Variants in HSDL2 observed in about 807,000 individuals in gnomAD.
HSDL2 encodes the protein hydroxysteroid dehydrogenase like 2.
HSDL2 carries 27 observed loss-of-function variants against 46.3 expected under a neutral mutation model. The ratio of observed to expected loss-of-function variants is 0.58; its 90% CI spans 0.43 to 0.80. HSDL2 has a LOEUF of 0.80. Ranked by LOEUF, HSDL2 falls within the 30% of genes least tolerant of loss-of-function variation. The pLI is 0.00. For missense variants in HSDL2, 451 were observed against 502.7 expected (o/e 0.90, Z 0.98); for synonymous variants, 153 against 163.6 (o/e 0.94, Z 0.50).
At chr9:112,435,928 C>T (rs1410794458) in intron 6 of HSDL2, among the ~76,000 whole-genome samples, 1 of 151,574 alleles carries the variant, frequency 6.6e-6, no homozygotes, top group Non-Finnish European at 1.5e-5. Flanking sequence ...AATAAAGGAT[C>T]AGTTCAAGAG....
intron 1 of HSDL2, among the ~76,000 whole-genome samples, chr9:112,385,226 T>C (rs941832946): frequency 2.6e-5 from 4 of 152,228 alleles, no homozygotes; most frequent in Admixed American, 2.6e-4. Context: ...ATATGTTTGC[T>C]TATGTTTGAA....
chr9:112,390,885 A>G (rs542359819), intron 1 of HSDL2, among the ~76,000 whole-genome samples: 5 of 152,166 alleles, frequency 3.3e-5, no homozygotes, highest in Admixed American at 1.3e-4. Context: ...TTCTTTAACA[A>G]ATTTTCTAGG....
intron 1 of HSDL2, among the ~76,000 whole-genome samples, chr9:112,393,141 C>G (rs1459360031): frequency 6.6e-6 from 1 of 152,182 alleles, no homozygotes; most frequent in East Asian, 1.9e-4. Flanking sequence ...AGTGGAGCCC[C>G]CAATAGACTT....
chr9:112,458,389 G>A (rs143917010), intron 9 of HSDL2, among the ~76,000 whole-genome samples: 2,875 of 149,214 alleles, frequency 0.019, 78 homozygotes, highest in East Asian at 0.087. Context: ...GCAATGGCGC[G>A]ATCTTGGCTC....
rs147333595 is a variant in HSDL2 at position 112,401,317 on chromosome 9, G to T, written c.18-2678G>T. ...CTACAAAAAATTAAAACTTTTTCAG[G>T]TGTGGTAGTGCACGCCTGTAGTCCT... On this transcript the variant is annotated intron_variant, in intron 1 of 10. Transcript: ENST00000398805. Among the ~76,000 whole-genome samples the T allele has an allele frequency of 1.9e-4, 29 of 151,932 alleles. No individual in the cohort carries two copies. In the East Asian group the frequency reaches 5.4e-3, roughly 28 times the overall value.
chr9:112,413,457 C>T (rs772540639), intron 4 of HSDL2, among the ~76,000 whole-genome samples: 9 of 149,626 alleles, frequency 6.0e-5, no homozygotes, highest in South Asian at 2.1e-4. Context: ...AAGAGTGCAA[C>T]GAGAGCAACA....
chr9:112,457,309 C>G (rs989436145), intron 9 of HSDL2, among the ~76,000 whole-genome samples: 3 of 152,202 alleles, frequency 2.0e-5, no homozygotes, highest in Non-Finnish European at 2.9e-5. Flanking sequence ...CTGAAGCAGT[C>G]TCTGCCCCTT....
chr9:112,447,405 A>G (rs1394784878), intron 8 of HSDL2, among the ~76,000 whole-genome samples: 1 of 152,186 alleles, frequency 6.6e-6, no homozygotes, highest in Non-Finnish European at 1.5e-5. Context: ...GGGATAAACT[A>G]AAGTTTTTGC....
chr9:112,405,632 G>T lies in HSDL2; in HGVS notation c.190G>T (p.Val64Phe), dbSNP rs1345115838. 3 of 1,608,456 alleles carry T rather than the reference G, an allele frequency of 1.9e-6. No homozygotes were observed. The South Asian group carries it at 3.3e-5, about 18-fold the overall frequency. ...TGTATCCTTTATATAAGTTGAAGCA[G>T]TTGGAGGAAAGGCCTTGCCATGTAT... ...IYTAAEEIEA[V>F]GGKALPCIVD... Residue 64 changes from valine (V) to phenylalanine (F), a missense_variant, in exon 3 of 11, where the codon GTT becomes TTT. Val to Phe is a conservative substitution (Grantham distance 50, BLOSUM62 -1). Transcript: ENST00000398805.
chr9:112,429,868 G>A (rs953144476), intron 6 of HSDL2, among the ~76,000 whole-genome samples: 2 of 152,082 alleles, frequency 1.3e-5, no homozygotes, highest in East Asian at 1.9e-4. Context: ...AAAGCAGGCC[G>A]ATCGCTGGAG....
chr9:112,441,976 A>G (rs950995925), intron 8 of HSDL2, among the ~76,000 whole-genome samples: 2 of 152,036 alleles, frequency 1.3e-5, no homozygotes, highest in East Asian at 3.9e-4. Flanking sequence ...AGAAGTTTTA[A>G]TAAGGCTGGG....
intron 1 of HSDL2, among the ~76,000 whole-genome samples, chr9:112,383,538 G>C (rs1564098922): frequency 6.6e-6 from 1 of 151,940 alleles, no homozygotes; most frequent in Non-Finnish European, 1.5e-5. Flanking sequence ...TTCTTCAGAT[G>C]GCTGCTCATT....
chr9:112,447,661 T>A (rs1266851678), intron 8 of HSDL2, among the ~76,000 whole-genome samples: 1 of 152,156 alleles, frequency 6.6e-6, no homozygotes, highest in African/African-American at 2.4e-5. Flanking sequence ...GTTTCACATC[T>A]CAGCACTGTG....
chr9:112,387,062 G>A (rs1034809096), intron 1 of HSDL2, among the ~76,000 whole-genome samples: 4 of 152,124 alleles, frequency 2.6e-5, no homozygotes, highest in Non-Finnish European at 4.4e-5. Context: ...AGTTATAAAA[G>A]TTTGAACATA....
intron 6 of HSDL2, among the ~76,000 whole-genome samples, chr9:112,434,991 C>A (rs1832491337): frequency 6.6e-6 from 1 of 152,108 alleles, no homozygotes; most frequent in Non-Finnish European, 1.5e-5. Context: ...TATTTTCTTT[C>A]CCAGAAATCA....
intron 4 of HSDL2, among the ~76,000 whole-genome samples, chr9:112,411,650 G>C (rs555421452): frequency 6.6e-6 from 1 of 152,276 alleles, no homozygotes; most frequent in Non-Finnish European, 1.5e-5. Context: ...ACTCCAGCTT[G>C]GGCAGCAGAG....
In HSDL2 at chr9:112,459,542, G is replaced by A; in HGVS notation, c.1109G>A (p.Ser370Asn). ...EPSDQADVVMSMTTDDFVKMF... is the reference protein window; with the variant it reads ...EPSDQADVVMNMTTDDFVKMF... Reference sequence around the variant, plus strand: ...TCTGATCAGGCAGATGTGGTGATGAGTATGACTACTGATGACTTTGTAAAA... The same window carrying A: ...TCTGATCAGGCAGATGTGGTGATGAATATGACTACTGATGACTTTGTAAAA... Residue 370 changes from serine (S) to asparagine (N), a missense_variant, in exon 10 of 11, where the codon AGT (serine) becomes AAT (asparagine). Physicochemically the swap from Ser to Asn is conservative, Grantham distance 46. Coordinates refer to ENST00000398805, the MANE Select transcript of HSDL2 (RefSeq NM_032303.5). 5 of 1,613,846 alleles carry A rather than the reference G, an allele frequency of 3.1e-6. No individual in the cohort carries two copies. Among genetic ancestry groups the A allele is most frequent in the Non-Finnish European group, 4.2e-6 (5 of 1,179,742 alleles).
At chr9:112,437,212 G>T (rs2065230) in intron 6 of HSDL2, among the ~76,000 whole-genome samples, 30 of 151,764 alleles carry the variant, frequency 2.0e-4, no homozygotes, top group Non-Finnish European at 1.2e-4. Flanking sequence ...CACCCACCTC[G>T]GCCTCCCACA....
chr9:112,399,383 C>A (rs1056095881), intron 1 of HSDL2, among the ~76,000 whole-genome samples: 1 of 152,126 alleles, frequency 6.6e-6, no homozygotes, highest in Admixed American at 6.6e-5. Flanking sequence ...GATTACAGGG[C>A]AAAGGGCAAA....
Sources: allele counts gnomAD v4.1 joint callset (sites outside exome capture counted in the v4.1 genomes callset), GRCh38; gene constraint gnomAD v4.1.1; transcripts MANE v1.5; gene names NCBI Gene and HGNC (gene_info 2026-07-23, HGNC 2026-07-21).